Variants in SLCO6A1 observed in about 807,000 individuals in gnomAD.
The protein encoded by SLCO6A1 is cancer/testis antigen 48.
A neutral mutation model predicts 72.7 loss-of-function variants in SLCO6A1; 65 were observed. That is an observed-to-expected ratio of 0.89 (90% CI 0.73 to 1.10). SLCO6A1 has a LOEUF of 1.10. Ranked by LOEUF, SLCO6A1 falls within the 50% of genes least tolerant of loss-of-function variation. The pLI is 0.00. For missense variants in SLCO6A1, 874 were observed against 872.6 expected, an observed-to-expected ratio of 1.00 and a Z score of -0.02; for synonymous variants, 314 against 298.2, an observed-to-expected ratio of 1.05 and a Z score of -0.55.
chr5:102,455,829 T>C (rs1218578867), intron 6 of SLCO6A1, among the ~76,000 whole-genome samples: 1 of 152,176 alleles, frequency 6.6e-6, no homozygotes, highest in African/African-American at 2.4e-5. Flanking sequence ...TTAAAAGACT[T>C]CAAAAGTCTT....
chr5:102,435,875 C>CAA (rs1201565012), intron 7 of SLCO6A1, among the ~76,000 whole-genome samples: 4 of 106,604 alleles, frequency 3.8e-5, no homozygotes, highest in Admixed American at 9.5e-5. Flanking sequence ...AACTCCATCT[C>CAA]AAAAAAAAAA....
chr5:102,378,078 G>A (rs1320598836), intron 12 of SLCO6A1, among the ~76,000 whole-genome samples: 3 of 151,550 alleles, frequency 2.0e-5, no homozygotes, highest in Non-Finnish European at 4.4e-5. Flanking sequence ...CAATATATAA[G>A]TGTACCAAAT....
intron 12 of SLCO6A1, among the ~76,000 whole-genome samples, chr5:102,382,934 G>A (rs918278904): frequency 2.0e-5 from 3 of 147,974 alleles, no homozygotes; most frequent in African/African-American, 5.0e-5. Context: ...AGATATATAC[G>A]TGTGTGTATA....
chr5:102,495,544 G>A (rs924620106), intron 1 of SLCO6A1, among the ~76,000 whole-genome samples: 7 of 152,094 alleles, frequency 4.6e-5, no homozygotes, highest in South Asian at 2.1e-4. Flanking sequence ...GCAGTGAGCC[G>A]AGATCACATC....
intron 12 of SLCO6A1, among the ~76,000 whole-genome samples, chr5:102,385,099 G>T (rs1746340306): frequency 6.6e-6 from 1 of 152,014 alleles, no homozygotes; most frequent in Non-Finnish European, 1.5e-5. Context: ...AGTATTCTTG[G>T]CTGGCAGTTT....
chr5:102,441,774 A>G (rs1259453414), intron 6 of SLCO6A1, among the ~76,000 whole-genome samples: 2 of 151,920 alleles, frequency 1.3e-5, no homozygotes, highest in Admixed American at 1.3e-4. Context: ...TCTGTTAAAT[A>G]AATTTCTGAA....
chr5:102,486,211 TC>T (rs1752437235), intron 1 of SLCO6A1, among the ~76,000 whole-genome samples: 1 of 152,184 alleles, frequency 6.6e-6, no homozygotes, highest in Admixed American at 6.5e-5. Context: ...ATCCAAAGAT[TC>T]TTTCCCAAAA....
At chr5:102,374,096 G>A (rs1745645146) in intron 12 of SLCO6A1, among the ~76,000 whole-genome samples, 1 of 150,764 alleles carries the variant, frequency 6.6e-6, no homozygotes, top group Non-Finnish European at 1.5e-5. Flanking sequence ...GGAGTGCAGT[G>A]GCACGATCTT....
In SLCO6A1 at chr5:102,407,095, A is replaced by G. The variant is rs537841857; in HGVS notation, c.1626+5895T>C. On this transcript the variant is annotated intron_variant, in intron 9 of 13. Transcript: ENST00000506729. Reference sequence around the variant, plus strand: ...CAACTCCGTAGATGGGGGCTCAAACATTGGACCAAATTGAGGACTAGCTAA... The same window carrying G: ...CAACTCCGTAGATGGGGGCTCAAACGTTGGACCAAATTGAGGACTAGCTAA... Among the ~76,000 whole-genome samples the G allele has an allele frequency of 2.0e-5, 3 of 152,286 alleles. No individual in the cohort carries two copies. In the East Asian group the frequency reaches 5.8e-4, roughly 29 times the overall value.
At chr5:102,440,093 T>G (rs1304651075) in intron 6 of SLCO6A1, among the ~76,000 whole-genome samples, 2 of 152,112 alleles carry the variant, frequency 1.3e-5, no homozygotes, top group Non-Finnish European at 2.9e-5. Flanking sequence ...CACCATGTTG[T>G]AAAAAAGCCC....
intron 3 of SLCO6A1, 32 bp from the exon 4 acceptor site, chr5:102,475,825 A>C (rs1303133946): frequency 6.8e-7 from 1 of 1,470,170 alleles, no homozygotes. Flanking sequence ...TGAACATCAA[A>C]CAATTTCATA....
At chr5:102,397,018 A>G (rs998271869) in intron 10 of SLCO6A1, among the ~76,000 whole-genome samples, 49 of 152,276 alleles carry the variant, frequency 3.2e-4, no homozygotes, top group Admixed American at 2.7e-3. Flanking sequence ...TAATATTGTT[A>G]CAGTGTGGAT....
intron 4 of SLCO6A1, among the ~76,000 whole-genome samples, chr5:102,460,760 G>A (rs1017364032): frequency 6.6e-6 from 1 of 151,766 alleles, no homozygotes; most frequent in Admixed American, 6.6e-5. Context: ...TACAGACCTT[G>A]TTTCTCATAG....
intron 12 of SLCO6A1, among the ~76,000 whole-genome samples, chr5:102,374,423 C>G (rs1455972383): frequency 6.6e-6 from 1 of 152,108 alleles, no homozygotes; most frequent in African/African-American, 2.4e-5. Flanking sequence ...GCCTCAGCCT[C>G]CTGAGTAGCT....
chr5:102,413,638 T>C lies in SLCO6A1; in HGVS notation c.1473-495A>G, dbSNP rs995422809. The stretch of plus-strand genomic sequence containing the variant: ...TGTCTCTTGGGTAAATATTAAGAAA[T>C]AGAATGTTTGCATCATGCAGTAGGT... On this transcript the variant is annotated intron_variant, in intron 8 of 13. Coordinates refer to ENST00000506729, the MANE Select transcript of SLCO6A1 (RefSeq NM_173488.5). Among the ~76,000 whole-genome samples, 3 of 152,198 alleles carry C rather than the reference T, an allele frequency of 2.0e-5. No individual in the cohort carries two copies. The East Asian group carries it at 5.8e-4, about 29-fold the overall frequency.
intron 11 of SLCO6A1, among the ~76,000 whole-genome samples, chr5:102,390,282 G>A (rs1746683266): frequency 6.6e-6 from 1 of 151,988 alleles, no homozygotes; most frequent in Admixed American, 6.6e-5. Context: ...CTCTTACCTA[G>A]TGAATCATTG....
At chr5:102,464,634 AGAG>A (rs1283321946) in intron 4 of SLCO6A1, among the ~76,000 whole-genome samples, 2 of 152,220 alleles carry the variant, frequency 1.3e-5, no homozygotes, top group Non-Finnish European at 2.9e-5. Context: ...TGAAGAGGCA[AGAG>A]GAGACAGAAG....
chr5:102,457,763 A>G (rs1750807239), intron 6 of SLCO6A1, among the ~76,000 whole-genome samples: 2 of 152,212 alleles, frequency 1.3e-5, no homozygotes, highest in African/African-American at 4.8e-5. Flanking sequence ...TATGTACCCA[A>G]AGGATTATAA....
chr5:102,457,868 A>G (rs1750813356), intron 6 of SLCO6A1, among the ~76,000 whole-genome samples: 1 of 152,172 alleles, frequency 6.6e-6, no homozygotes, highest in African/African-American at 2.4e-5. Context: ...TCCAACAATG[A>G]TAGACTGTAT....
Sources: allele counts gnomAD v4.1 joint callset (sites outside exome capture counted in the v4.1 genomes callset), GRCh38; gene constraint gnomAD v4.1.1; transcripts MANE v1.5; gene names NCBI Gene and HGNC (gene_info 2026-07-23, HGNC 2026-07-21).